The following SOX6 variants were observed in gnomAD, a reference collection of about 807,000 sequenced individuals.
SOX6 encodes SRY-box transcription factor 6, also known as transcription factor SOX-6.
In SOX6, 11 loss-of-function variants were observed where a neutral mutation model predicts 97.8. The ratio of observed to expected loss-of-function variants is 0.11; its 90% CI spans 0.07 to 0.19. The LOEUF is 0.19. Ranked by LOEUF, SOX6 falls within the 10% of genes least tolerant of loss-of-function variation. The pLI is 1.00. For synonymous variants in SOX6, 360 were observed against 371.4 expected, an observed-to-expected ratio of 0.97 and a Z score of 0.35; for missense variants, 810 against 1,039.5, an observed-to-expected ratio of 0.78 and a Z score of 3.04.
chr11:16,018,781 G>C (rs1017951356), intron 12 of SOX6, among the ~76,000 whole-genome samples: 20 of 151,966 alleles, frequency 1.3e-4, no homozygotes, highest in African/African-American at 4.6e-4. Context: ...CAAGATCCGT[G>C]GTAAATTAAT....
chr11:16,638,049 C>T (rs1381151029), intron 3 of SOX6, among the ~76,000 whole-genome samples: 2 of 144,740 alleles, frequency 1.4e-5, no homozygotes, highest in African/African-American at 2.6e-5. Flanking sequence ...TCTCCTAATG[C>T]TATCCCTCCC....
chr11:16,285,907 T>C (rs778811865), intron 3 of SOX6, among the ~76,000 whole-genome samples: 2 of 152,110 alleles, frequency 1.3e-5, no homozygotes, highest in Non-Finnish European at 2.9e-5. Context: ...ATAATATACA[T>C]TTGTTTGTAT....
intron 4 of SOX6, among the ~76,000 whole-genome samples, chr11:16,215,483 C>G (rs1022711957): frequency 1.9e-4 from 29 of 152,210 alleles, no homozygotes; most frequent in African/African-American, 6.5e-4. Flanking sequence ...GTAAGAATCC[C>G]AGAAGTCTAG....
At chr11:16,038,543 A>G (rs1387102170) in intron 12 of SOX6, among the ~76,000 whole-genome samples, 1 of 152,146 alleles carries the variant, frequency 6.6e-6, no homozygotes, top group Non-Finnish European at 1.5e-5. Context: ...AAGATATTTT[A>G]TTAGGAGGTT....
At chr11:16,510,103 CAG>C (rs952331913) in intron 4 of SOX6, among the ~76,000 whole-genome samples, 21 of 152,052 alleles carry the variant, frequency 1.4e-4, no homozygotes, top group African/African-American at 5.1e-4. Context: ...TCAAAACAAA[CAG>C]AAATGAATGA....
At chr11:16,520,520 G>T (rs1476810118) in intron 4 of SOX6, among the ~76,000 whole-genome samples, 1 of 152,210 alleles carries the variant, frequency 6.6e-6, no homozygotes, top group Non-Finnish European at 1.5e-5. Context: ...AATAGGAACA[G>T]CTCTGGTCTA....
At chr11:16,458,938 T>C (rs1401744596) in intron 1 of SOX6, among the ~76,000 whole-genome samples, 2 of 152,044 alleles carry the variant, frequency 1.3e-5, no homozygotes, top group Non-Finnish European at 2.9e-5. Flanking sequence ...CCAAGGTATC[T>C]ACAGTTTGTA....
chr11:16,184,819 G>A (rs778876688), intron 5 of SOX6, among the ~76,000 whole-genome samples: 7 of 152,070 alleles, frequency 4.6e-5, no homozygotes, highest in Non-Finnish European at 7.4e-5. Flanking sequence ...GCTACAGCTC[G>A]AAGTCCAGAG....
At chr11:16,355,698 T>C (rs914128618) in intron 1 of SOX6, among the ~76,000 whole-genome samples, 1 of 152,148 alleles carries the variant, frequency 6.6e-6, no homozygotes, top group Non-Finnish European at 1.5e-5. Context: ...CAGCATATAT[T>C]AGAAACTAGC....
intron 4 of SOX6, among the ~76,000 whole-genome samples, chr11:16,491,736 G>A (rs1051705415): frequency 6.6e-6 from 1 of 152,006 alleles, no homozygotes; most frequent in Non-Finnish European, 1.5e-5. Flanking sequence ...AGAGAGCACA[G>A]AAAAAGGAAT....
At chr11:16,001,213 G>A (rs1345171596) in intron 13 of SOX6, among the ~76,000 whole-genome samples, 2 of 152,042 alleles carry the variant, frequency 1.3e-5, no homozygotes, top group Non-Finnish European at 2.9e-5. Flanking sequence ...TCTTTAAAGA[G>A]CAATTTACCT....
At chr11:16,304,722 C>T (rs1398052230) in intron 3 of SOX6, among the ~76,000 whole-genome samples, 3 of 152,052 alleles carry the variant, frequency 2.0e-5, no homozygotes, top group Non-Finnish European at 1.5e-5. Context: ...TTCTAAGAGG[C>T]TGGTTTTTTG....
intron 1 of SOX6, among the ~76,000 whole-genome samples, chr11:16,390,963 C>A (rs1412978798): frequency 6.6e-6 from 1 of 152,144 alleles, no homozygotes; most frequent in Non-Finnish European, 1.5e-5. Flanking sequence ...CAATGATACA[C>A]TGGATTAAGA....
At chr11:16,549,420 C>T (rs545372714) in intron 4 of SOX6, among the ~76,000 whole-genome samples, 3 of 152,126 alleles carry the variant, frequency 2.0e-5, no homozygotes, top group Admixed American at 6.6e-5. Flanking sequence ...TTGCCCACCT[C>T]GGCCTCCCAA....
chr11:16,551,541 A>G (rs1847686476), intron 4 of SOX6, among the ~76,000 whole-genome samples: 1 of 151,630 alleles, frequency 6.6e-6, no homozygotes, highest in Admixed American at 6.6e-5. Flanking sequence ...TGTAGATGCC[A>G]TAATATTTAT....
chr11:16,663,112 T>C (rs1189599562), intron 3 of SOX6, among the ~76,000 whole-genome samples: 3 of 151,130 alleles, frequency 2.0e-5, no homozygotes. Context: ...AAAAGGTATG[T>C]ATGGCAGGGG....
At chr11:16,147,088 G>C (rs952925580) in intron 6 of SOX6, among the ~76,000 whole-genome samples, 4 of 152,190 alleles carry the variant, frequency 2.6e-5, no homozygotes, top group African/African-American at 9.7e-5. Flanking sequence ...CAATAGCAAA[G>C]ACTTGGAACC....
At chr11:16,445,407 C>T (rs899368954) in intron 1 of SOX6, among the ~76,000 whole-genome samples, 1 of 152,088 alleles carries the variant, frequency 6.6e-6, no homozygotes, top group African/African-American at 2.4e-5. Context: ...CTTTAAATTG[C>T]CCCATGATTT....
intron 2 of SOX6, among the ~76,000 whole-genome samples, chr11:16,327,790 T>G (rs1192217741): frequency 6.6e-6 from 1 of 152,128 alleles, no homozygotes; most frequent in African/African-American, 2.4e-5. Flanking sequence ...GAGTTGAATC[T>G]TGCCTATATA....
Sources: allele counts gnomAD v4.1 joint callset (sites outside exome capture counted in the v4.1 genomes callset), GRCh38; gene constraint gnomAD v4.1.1; transcripts MANE v1.5; gene names NCBI Gene and HGNC (gene_info 2026-07-23, HGNC 2026-07-21).